The following GC variants were observed in gnomAD, a reference collection of about 807,000 sequenced individuals.
The protein encoded by GC is vitamin D-binding protein.
In GC, 43 loss-of-function variants were observed where a neutral mutation model predicts 56.7. That is an observed-to-expected ratio of 0.76 (90% confidence interval 0.59 to 0.98). The LOEUF (loss-of-function observed/expected upper bound fraction) is 0.98, where lower values mean the gene tolerates loss of function less well. GC is among the 50% of genes least tolerant of loss of function. The pLI is 0.00. For synonymous variants in GC, 216 were observed against 202.7 expected, an observed-to-expected ratio of 1.07 and a Z score of -0.56; for missense variants, 529 against 545.9, an observed-to-expected ratio of 0.97 and a Z score of 0.31.
intron 3 of GC, 56 bp from the exon 4 acceptor site, chr4:71,765,699 G>T: frequency 1.9e-6 from 2 of 1,072,798 alleles, no homozygotes; most frequent in Non-Finnish European, 2.9e-6. Flanking sequence ...CAGGCTTTTA[G>T]ACTTCCATTT....
intron 1 of GC, among the ~76,000 whole-genome samples, chr4:71,803,001 A>G (rs1743288494): frequency 6.6e-6 from 1 of 152,166 alleles, no homozygotes; most frequent in Non-Finnish European, 1.5e-5. Context: ...ATAATAAGTC[A>G]GGGACCGTCT....
At chr4:71,762,262 A>G (rs1262274656) in intron 6 of GC, among the ~76,000 whole-genome samples, 1 of 152,156 alleles carries the variant, frequency 6.6e-6, no homozygotes, top group Non-Finnish European at 1.5e-5. Context: ...TGACTGCCCC[A>G]CTGGATTTTG....
At chr4:71,743,677 A>G (rs1741258440) in intron 12 of GC, among the ~76,000 whole-genome samples, 1 of 152,178 alleles carries the variant, frequency 6.6e-6, no homozygotes, top group Non-Finnish European at 1.5e-5. Context: ...TTATTTCTGG[A>G]TATCAAGTAC....
chr4:71,788,286 A>G (rs1177144312), upstream of GC, among the ~76,000 whole-genome samples: 1 of 151,922 alleles, frequency 6.6e-6, no homozygotes, highest in Non-Finnish European at 1.5e-5. Context: ...GATTTTCATG[A>G]AAATCTGCAA....
intron 7 of GC, among the ~76,000 whole-genome samples, chr4:71,757,199 T>A (rs1019600018): frequency 1.1e-4 from 16 of 152,056 alleles, no homozygotes; most frequent in Admixed American, 4.6e-4. Context: ...TAAAATATTT[T>A]AAAAAAACCA....
At chr4:71,755,634 C>T (rs1741743854) in intron 8 of GC, among the ~76,000 whole-genome samples, 1 of 152,112 alleles carries the variant, frequency 6.6e-6, no homozygotes, top group Non-Finnish European at 1.5e-5. Flanking sequence ...CTAGTCAATA[C>T]TGAATTAAAG....
chr4:71,741,866 C>G lies in GC; in HGVS notation c.*30G>C, dbSNP rs894108205. 1.4e-6 allele frequency: 1 copy of G among 702,932 alleles called. No individual in the cohort carries two copies. The highest frequency in any genetic ancestry group is 2.6e-6 in the Non-Finnish European group (1 of 384,988). 43.5% of individuals were successfully genotyped at this position (702,932 alleles called of 1,614,324 possible). A position where few individuals can be genotyped will look rare whatever the true frequency, so the allele number is the denominator to read the frequency against. ...ATCATTCCCCTGGGTGGCTCCAACT[C>G]TGGTCTATGAGAATAATGAAATGAA... is the stretch of plus-strand genomic sequence containing the variant. On this transcript the variant is annotated 3_prime_UTR_variant, in exon 13 of 13. Transcript: ENST00000273951.
chr4:71,756,244 A>G (rs1189301477), intron 8 of GC, among the ~76,000 whole-genome samples: 1 of 152,216 alleles, frequency 6.6e-6, no homozygotes, highest in African/African-American at 2.4e-5. Flanking sequence ...TAATATTATA[A>G]ACATTTCTGG....
intron 7 of GC, among the ~76,000 whole-genome samples, chr4:71,757,234 T>G (rs1741808478): frequency 6.6e-6 from 1 of 152,006 alleles, no homozygotes; most frequent in African/African-American, 2.4e-5. Flanking sequence ...CAATAGAGGA[T>G]TAGTAAAATA....
intron 1 of GC, among the ~76,000 whole-genome samples, chr4:71,796,190 C>T (rs115946499): frequency 0.11 from 17,270 of 152,048 alleles, 1,050 homozygotes; most frequent in Middle Eastern, 0.13. Context: ...CTGTATTTCC[C>T]GAATTTGAAT....
In GC at chr4:71,754,860, C is replaced by T. The variant is rs546498722; in HGVS notation, c.1164+118G>A. ...AACAATGTAAAAATGTAAAACCATT[C>T]TTCTGTTCTTAGTTTGTAGGCCATA... is the stretch of plus-strand genomic sequence containing the variant. On this transcript the variant is annotated intron_variant, in intron 9 of 12. Coordinates refer to ENST00000273951, the MANE Select transcript of GC (RefSeq NM_000583.4). 4.0e-4 allele frequency: 250 copies of T among 630,244 alleles called. No homozygotes were observed. In the African/African-American group the frequency reaches 4.5e-3, roughly 11 times the overall value. 39.0% of individuals were successfully genotyped at this position (630,244 alleles called of 1,614,324 possible).
chr4:71,788,665 GGAAA>G (rs1742899436), upstream of GC, among the ~76,000 whole-genome samples: 3 of 127,032 alleles, frequency 2.4e-5, no homozygotes, highest in Admixed American at 8.9e-5. Context: ...GGAGAAAGAA[GGAAA>G]GAAAGAAAGA....
intron 1 of GC, among the ~76,000 whole-genome samples, chr4:71,783,134 A>G (rs2298849): frequency 0.25 from 38,320 of 151,644 alleles, 5,420 homozygotes; most frequent in East Asian, 0.39. Flanking sequence ...ATGAATAATA[A>G]TGTACGAATT....
At chr4:71,775,638 CA>C (rs890716270) in intron 1 of GC, among the ~76,000 whole-genome samples, 1 of 151,440 alleles carries the variant, frequency 6.6e-6, no homozygotes, top group Non-Finnish European at 1.5e-5. Context: ...GCAACAAAAG[CA>C]AAAAATAGAC....
chr4:71,764,481 C>G (rs972327064), intron 4 of GC, among the ~76,000 whole-genome samples: 1 of 152,042 alleles, frequency 6.6e-6, no homozygotes, highest in Non-Finnish European at 1.5e-5. Context: ...CCATTTGTCC[C>G]TTTATTCACT....
At chr4:71,759,994 T>C (rs143806242) in intron 6 of GC, among the ~76,000 whole-genome samples, 2 of 152,166 alleles carry the variant, frequency 1.3e-5, no homozygotes, top group African/African-American at 2.4e-5. Context: ...GAAACTGTCA[T>C]TGAGTATTCA....
chr4:71,797,154 T>G (rs1008642058), intron 1 of GC, among the ~76,000 whole-genome samples: 3 of 152,228 alleles, frequency 2.0e-5, no homozygotes, highest in Admixed American at 6.5e-5. Flanking sequence ...GGGACCCACT[T>G]GAGGAGGCAG....
At chr4:71,771,932 G>T (rs1457289457) in intron 1 of GC, among the ~76,000 whole-genome samples, 2 of 152,176 alleles carry the variant, frequency 1.3e-5, no homozygotes, top group Non-Finnish European at 2.9e-5. Context: ...TCCTAAAGCA[G>T]AGCTAGGAGA....
intron 1 of GC, among the ~76,000 whole-genome samples, chr4:71,795,953 A>G (rs1276199541): frequency 6.6e-6 from 1 of 152,172 alleles, no homozygotes; most frequent in Non-Finnish European, 1.5e-5. Flanking sequence ...TGGGTTGACA[A>G]TTCTTTTCTT....
Sources: allele counts gnomAD v4.1 joint callset (sites outside exome capture counted in the v4.1 genomes callset), GRCh38; gene constraint gnomAD v4.1.1; transcripts MANE v1.5; gene names NCBI Gene and HGNC (gene_info 2026-07-23, HGNC 2026-07-21).